The following ULK4 variants were observed in gnomAD, a reference collection of about 807,000 sequenced individuals.
The protein encoded by ULK4 is unc-51 like kinase 4.
ULK4 carries 133 observed loss-of-function variants against 160.6 expected under a neutral mutation model. The ratio of observed to expected loss-of-function variants is 0.83; its 90% CI spans 0.72 to 0.96. ULK4 has a LOEUF of 0.96. ULK4 is among the 40% of genes least tolerant of loss of function. The pLI, the probability that ULK4 is intolerant of heterozygous loss-of-function variation, is 0.00. For missense variants in ULK4, 1,580 were observed against 1,499.5 expected (o/e 1.05, Z -0.89); for synonymous variants, 534 against 539.8 (o/e 0.99, Z 0.15).
intron 35 of ULK4, among the ~76,000 whole-genome samples, chr3:41,266,344 T>A (rs1285029268): frequency 6.6e-6 from 1 of 152,202 alleles, no homozygotes; most frequent in Non-Finnish European, 1.5e-5. Flanking sequence ...GAATCTCTAA[T>A]GGGTGAAGCT....
At chr3:41,348,058 A>C (rs2080835303) in intron 35 of ULK4, among the ~76,000 whole-genome samples, 1 of 151,778 alleles carries the variant, frequency 6.6e-6, no homozygotes, top group South Asian at 2.1e-4. Context: ...AAATACAAAA[A>C]ATTAGCCAGG....
chr3:41,370,987 G>A (rs985958406), intron 35 of ULK4, among the ~76,000 whole-genome samples: 2 of 152,304 alleles, frequency 1.3e-5, no homozygotes, highest in Non-Finnish European at 2.9e-5. Context: ...ACTGAGGCTT[G>A]AGTAGGTGGT....
At chr3:41,917,053 C>T (rs552578050) in intron 7 of ULK4, among the ~76,000 whole-genome samples, 33 of 152,310 alleles carry the variant, frequency 2.2e-4, no homozygotes, top group Non-Finnish European at 3.8e-4. Context: ...GTATTCCTAA[C>T]TTGAACAACT....
intron 32 of ULK4, among the ~76,000 whole-genome samples, chr3:41,557,214 A>G (rs1477502788): frequency 1.3e-5 from 2 of 152,076 alleles, no homozygotes; most frequent in Admixed American, 6.5e-5. Flanking sequence ...TTAAAATAGA[A>G]GAGTACCTCC....
intron 32 of ULK4, among the ~76,000 whole-genome samples, chr3:41,487,219 T>A (rs1351311644): frequency 6.6e-6 from 1 of 152,094 alleles, no homozygotes; most frequent in East Asian, 1.9e-4. Context: ...GAAAACTGAA[T>A]AAATGGAAAG....
intron 17 of ULK4, chr3:41,882,115 C>T (rs1417637271): frequency 1.5e-6 from 1 of 685,078 alleles, no homozygotes; most frequent in Non-Finnish European, 2.7e-6. Context: ...CAGCAAAACA[C>T]ACCATCTTCC....
intron 34 of ULK4, among the ~76,000 whole-genome samples, chr3:41,408,567 A>C (rs1311161216): frequency 6.6e-6 from 1 of 152,108 alleles, no homozygotes; most frequent in South Asian, 2.1e-4. Flanking sequence ...AGCATTCTCT[A>C]TCAAAATTAT....
At chr3:41,842,702 T>C (rs1201072984) in intron 17 of ULK4, among the ~76,000 whole-genome samples, 2 of 152,232 alleles carry the variant, frequency 1.3e-5, no homozygotes, top group Non-Finnish European at 2.9e-5. Context: ...GCTGGCACCA[T>C]GCTTCTTCTA....
intron 20 of ULK4, among the ~76,000 whole-genome samples, chr3:41,798,563 G>A (rs937137258): frequency 5.3e-5 from 8 of 152,104 alleles, no homozygotes; most frequent in East Asian, 1.9e-4. Flanking sequence ...AATACCCACA[G>A]GATTTAGCAA....
intron 22 of ULK4, among the ~76,000 whole-genome samples, chr3:41,733,786 G>A (rs527465059): frequency 1.2e-4 from 17 of 139,376 alleles, no homozygotes; most frequent in Admixed American, 1.1e-3. Context: ...CCAGGCTGGA[G>A]TGCAGTGGCG....
intron 18 of ULK4, among the ~76,000 whole-genome samples, chr3:41,824,115 A>G (rs2041249087): frequency 6.8e-6 from 1 of 147,900 alleles, no homozygotes; most frequent in South Asian, 2.2e-4. Flanking sequence ...GTGAGCCAAG[A>G]TTATGTCACT....
Position 41,931,866 on chromosome 3 carries a change from T to C in ULK4, c.519A>G (p.Lys173=). The change falls in exon 5 of 37, where the codon AAA becomes AAG. Residue 173 remains lysine, a synonymous_variant. Transcript: ENST00000301831. ...GGDNGENVLK[K]SMKSRVKGSP... ...TACCTTTGACTCTACTTTTCATGCTTTTCTTCAGGACATTTTCCCCATTAT... is the reference window on the plus strand; with the variant it reads ...TACCTTTGACTCTACTTTTCATGCTCTTCTTCAGGACATTTTCCCCATTAT... The C allele has an allele frequency of 6.2e-7, 1 of 1,614,136 alleles. No homozygotes were observed. The highest frequency in any genetic ancestry group is 2.2e-5 in the East Asian group (1 of 44,880).
intron 32 of ULK4, among the ~76,000 whole-genome samples, chr3:41,477,409 C>T (rs1274322293): frequency 2.0e-5 from 3 of 152,164 alleles, no homozygotes; most frequent in African/African-American, 7.2e-5. Context: ...TTTGAAAATA[C>T]AACACTCTAA....
At chr3:41,529,579 G>C (rs1162707261) in intron 32 of ULK4, among the ~76,000 whole-genome samples, 1 of 152,148 alleles carries the variant, frequency 6.6e-6, no homozygotes, top group East Asian at 1.9e-4. Flanking sequence ...CTGCCTCCCA[G>C]GTCCAAGCAA....
intron 35 of ULK4, among the ~76,000 whole-genome samples, chr3:41,281,580 C>T (rs2079353680): frequency 6.6e-6 from 1 of 151,694 alleles, no homozygotes; most frequent in Non-Finnish European, 1.5e-5. Flanking sequence ...GGCAGAAAAG[C>T]CCTTCAACAA....
chr3:41,503,416 G>C (rs35347633), intron 32 of ULK4, among the ~76,000 whole-genome samples: 19,405 of 152,172 alleles, frequency 0.13, 1,526 homozygotes, highest in Admixed American at 0.18. Context: ...TTCAACAGGA[G>C]ACCAAGACTT....
chr3:41,651,851 A>G (rs1046087091), intron 30 of ULK4, among the ~76,000 whole-genome samples: 5 of 152,194 alleles, frequency 3.3e-5, no homozygotes, highest in Admixed American at 1.3e-4. Flanking sequence ...AAGACCAACT[A>G]ACTGCTAGCT....
intron 35 of ULK4, among the ~76,000 whole-genome samples, chr3:41,256,193 C>T (rs1408375158): frequency 1.3e-5 from 2 of 152,220 alleles, no homozygotes; most frequent in Non-Finnish European, 2.9e-5. Flanking sequence ...ATAGCTGAGT[C>T]TATTGCTTCT....
chr3:41,858,139 TTTTGTTTG>T (rs1319982554), intron 17 of ULK4, among the ~76,000 whole-genome samples: 21 of 94,848 alleles, frequency 2.2e-4, no homozygotes, highest in African/African-American at 1.2e-3. Context: ...ATAGGGTTTT[TTTTGTTTG>T]TTTTTTTTTT....
Sources: gnomAD v4.1 joint callset for allele counts (sites outside exome capture counted in the v4.1 genomes callset) on GRCh38, gnomAD v4.1.1 for gene constraint, MANE v1.5 for transcripts, NCBI Gene and HGNC (gene_info 2026-07-23, HGNC 2026-07-21) for gene names.